The following KDM3B variants were observed in gnomAD, a reference collection of about 807,000 sequenced individuals.
The protein encoded by KDM3B is lysine demethylase 3B.
In KDM3B, 10 loss-of-function variants were observed where a neutral mutation model predicts 170.0. That is an observed-to-expected ratio of 0.06 (90% CI 0.04 to 0.10). KDM3B has a LOEUF of 0.10. Among genes scored for constraint, KDM3B ranks in the 10% least tolerant of loss-of-function variants. KDM3B has a pLI of 1.00. For synonymous variants in KDM3B, 831 were observed against 834.8 expected (o/e 1.00, Z 0.08); for missense variants, 1,394 against 2,195.2 (o/e 0.64, Z 7.29).
chr5:138,420,610 T>C (rs1763248424), intron 14 of KDM3B, 96 bp from the exon 15 acceptor site: 5 of 1,332,842 alleles, frequency 3.8e-6, no homozygotes, highest in African/African-American at 2.9e-5. Flanking sequence ...AAGGAGAGAA[T>C]CTTTCCTCCT....
chr5:138,403,676 T>C (rs1762744478), intron 11 of KDM3B, among the ~76,000 whole-genome samples: 1 of 73,542 alleles, frequency 1.4e-5, no homozygotes. Flanking sequence ...AAACTCTGTC[T>C]CAAAAAAAAA....
Position 138,375,084 on chromosome 5 carries a change from A to T in KDM3B, c.361-9A>T. ...GTTCTAATCAATTTCTTGTCATTGT[A>T]CTTCACAGACTTTTACTCCCCTTGT... On this transcript the variant is annotated splice_polypyrimidine_tract_variant and intron_variant, in intron 2 of 23. Coordinates refer to ENST00000314358, the MANE Select transcript of KDM3B (RefSeq NM_016604.4). 1.4e-6 allele frequency: 2 copies of T among 1,462,012 alleles called. No homozygotes were observed. Among genetic ancestry groups the T allele is most frequent in the South Asian group, 2.3e-5 (2 of 87,748 alleles). 90.6% of individuals were successfully genotyped at this position (1,462,012 alleles called of 1,614,324 possible).
At chr5:138,361,029 C>G (rs1300540366) in intron 1 of KDM3B, among the ~76,000 whole-genome samples, 1 of 152,174 alleles carries the variant, frequency 6.6e-6, no homozygotes, top group East Asian at 1.9e-4. Context: ...CCCCTTCCAC[C>G]AGCAGACTCA....
At chr5:138,422,928 G>A (rs1246139394) in intron 15 of KDM3B, among the ~76,000 whole-genome samples, 1 of 152,036 alleles carries the variant, frequency 6.6e-6, no homozygotes, top group Non-Finnish European at 1.5e-5. Context: ...TGGGTTATTT[G>A]TTTCTCTTTT....
chr5:138,426,932 G>A, intron 17 of KDM3B, 43 bp from the exon 18 acceptor site: 2 of 1,468,108 alleles, frequency 1.4e-6, no homozygotes, highest in Non-Finnish European at 1.9e-6. Flanking sequence ...TCGGACACCA[G>A]CCAAACCAGC....
At chr5:138,370,563 A>T (rs1442715133) in intron 1 of KDM3B, among the ~76,000 whole-genome samples, 1 of 152,232 alleles carries the variant, frequency 6.6e-6, no homozygotes, top group Non-Finnish European at 1.5e-5. Context: ...GGTAAAATAC[A>T]CATAAAATTT....
intron 9 of KDM3B, among the ~76,000 whole-genome samples, chr5:138,394,010 C>T (rs1240932537): frequency 6.6e-6 from 1 of 152,026 alleles, no homozygotes; most frequent in African/African-American, 2.4e-5. Flanking sequence ...TGTGCCAACC[C>T]TTGTTCTGGC....
At chr5:138,414,994 G>A in intron 11 of KDM3B, 138 bp from the exon 12 acceptor site, 1 of 494,220 alleles carries the variant, frequency 2.0e-6, no homozygotes, top group Non-Finnish European at 3.7e-6. Context: ...GTAAAGCAGG[G>A]GCTTTTTGTT....
chr5:138,386,024 G>T lies in KDM3B; in HGVS notation c.783G>T (p.Gly261=). The T allele has an allele frequency of 6.3e-7, 1 of 1,596,038 alleles. No homozygotes were observed. The highest frequency in any genetic ancestry group is 8.5e-7 in the Non-Finnish European group (1 of 1,171,362). The change falls in exon 7 of 24, where the codon GGG becomes GGT. Residue 261 remains glycine (G), a splice_region_variant and synonymous_variant. Transcript: ENST00000314358. ...LMDNSAPQSE[G]GTLKAVKSSK... ...CTTTTTTGAATTTTGTTTTGTAGGG[G>T]GGTACGTTAAAAGCAGTAAAATCTT...
At chr5:138,374,915 T>C (rs905458885) in intron 2 of KDM3B, among the ~76,000 whole-genome samples, 178 bp from the exon 3 acceptor site, 2 of 152,228 alleles carry the variant, frequency 1.3e-5, no homozygotes, top group African/African-American at 4.8e-5. Flanking sequence ...TAGCTTCCCA[T>C]GACTATTTGA....
At chr5:138,393,486 C>G in intron 9 of KDM3B, 114 bp downstream of exon 9, 1 of 824,816 alleles carries the variant, frequency 1.2e-6, no homozygotes, top group Non-Finnish European at 1.9e-6. Flanking sequence ...CTTTCCTCAA[C>G]TCCTTTGCTC....
At chr5:138,429,604 G>A (rs543509355) in intron 20 of KDM3B, among the ~76,000 whole-genome samples, 1 of 152,296 alleles carries the variant, frequency 6.6e-6, no homozygotes. Context: ...GTTTTAAGGG[G>A]AAATTATACC....
At chr5:138,422,161 T>G (rs1763288171) in intron 15 of KDM3B, among the ~76,000 whole-genome samples, 1 of 152,254 alleles carries the variant, frequency 6.6e-6, no homozygotes, top group Admixed American at 6.5e-5. Flanking sequence ...TTTTCCCTGC[T>G]TTGTTTTTTT....
rs766235151 is a variant in KDM3B, at chr5:138,386,304, C to G, written c.1063C>G (p.Arg355Gly). ...TFVPQINRNI[R>G]FATYTKENGR... The stretch of plus-strand genomic sequence containing the variant: ...TGTCCCCCAGATAAACCGCAACATT[C>G]GCTTTGCCACTTACACCAAAGAAAA... The change falls in exon 7 of 24, where the codon CGC becomes GGC. Residue 355 changes from arginine (R) to glycine (G), a missense_variant. Around this residue, in one of 19 missense-constraint regions of KDM3B, gnomAD observed 205 missense variants for 227.6 expected, o/e 0.90. Coordinates refer to ENST00000314358, the MANE Select transcript of KDM3B (RefSeq NM_016604.4). 4 of 1,614,174 alleles carry G rather than the reference C, an allele frequency of 2.5e-6. No homozygotes were observed. The East Asian group carries it at 8.9e-5, about 36-fold the overall frequency.
At chr5:138,360,432 A>AC (rs1250765501) in intron 1 of KDM3B, among the ~76,000 whole-genome samples, 1 of 151,976 alleles carries the variant, frequency 6.6e-6, no homozygotes, top group East Asian at 1.9e-4. Context: ...CTCTCCCCTT[A>AC]CAGCATCAGG....
chr5:138,434,462 C>T (rs899759303), intron 23 of KDM3B, among the ~76,000 whole-genome samples: 2 of 151,526 alleles, frequency 1.3e-5, no homozygotes, highest in African/African-American at 2.4e-5. Context: ...GCTGGAGAAT[C>T]GCTTGAACCC....
At chr5:138,433,842 G>T (rs1457782257) in intron 23 of KDM3B, among the ~76,000 whole-genome samples, 1 of 151,802 alleles carries the variant, frequency 6.6e-6, no homozygotes, top group Admixed American at 6.6e-5. Flanking sequence ...GGGTTCAAGC[G>T]ATTCTCCTGC....
rs1762439398 is a variant in KDM3B, at chr5:138,391,794, G to A, written c.2162G>A (p.Gly721Glu). Residue 721 changes from glycine (G) to glutamate (E), a missense_variant, in exon 8 of 24, where the codon GGG becomes GAG. This residue lies in a region of KDM3B where 294 missense variants were observed against 311.7 expected (regional missense o/e 0.94). Transcript: ENST00000314358. The surrounding 1 kb of genome is among the most constrained non-coding windows in gnomAD (Gnocchi z 5.0). ...TSGGPSLSAM[G>E]NGRSSSPTSS... Reference sequence around the variant, plus strand: ...GGGGGCCCAAGCCTCTCTGCCATGGGGAATGGCCGCTCCAGCTCGCCCACC... The same window carrying A: ...GGGGGCCCAAGCCTCTCTGCCATGGAGAATGGCCGCTCCAGCTCGCCCACC... The A allele has an allele frequency of 6.2e-7, 1 of 1,614,018 alleles. No homozygotes were observed. The highest frequency in any genetic ancestry group is 1.3e-5 in the African/African-American group (1 of 75,006).
At chr5:138,400,356 GTGC>G (rs946485448) in intron 11 of KDM3B, among the ~76,000 whole-genome samples, 1 of 151,816 alleles carries the variant, frequency 6.6e-6, no homozygotes, top group African/African-American at 2.4e-5. Flanking sequence ...ACCTCTCAGA[GTGC>G]TGGGAATCAT....
Sources: gnomAD v4.1 joint callset for allele counts (sites outside exome capture counted in the v4.1 genomes callset) on GRCh38, gnomAD v4.1.1 for gene constraint, gnomAD v4.1.1 regional missense constraint, Gnocchi (gnomAD v3.1) non-coding constraint, MANE v1.5 for transcripts, NCBI Gene and HGNC (gene_info 2026-07-23, HGNC 2026-07-21) for gene names.